ANOS1: variants seen among roughly 807,000 people sequenced by gnomAD.
ANOS1 encodes anosmin 1.
A neutral mutation model predicts 59.0 loss-of-function variants in ANOS1; 6 were observed. The ratio of observed to expected loss-of-function variants is 0.10; its 90% CI spans 0.06 to 0.20. The LOEUF (loss-of-function observed/expected upper bound fraction) is 0.20. Ranked by LOEUF, ANOS1 falls within the 10% of genes least tolerant of loss-of-function variation. ANOS1 has a pLI of 1.00. For synonymous variants in ANOS1, 217 were observed against 223.4 expected, an observed-to-expected ratio of 0.97 and a Z score of 0.25; for missense variants, 433 against 542.3, an observed-to-expected ratio of 0.80 and a Z score of 2.00.
intron 8 of ANOS1, among the ~76,000 whole-genome samples, chrX:8,565,198 C>T (rs1290001368): frequency 8.9e-6 from 1 of 111,793 alleles, no homozygotes; most frequent in African/African-American, 3.3e-5. Flanking sequence ...AATCCCATAC[C>T]AGTTTCTAAT....
chrX:8,587,499 G>C (rs373600224), intron 5 of ANOS1, among the ~76,000 whole-genome samples: 1 of 111,922 alleles, frequency 8.9e-6, no homozygotes, highest in Non-Finnish European at 1.9e-5. Flanking sequence ...TTTGAGTTTA[G>C]CTGAGGAAAA....
chrX:8,619,862 T>C (rs182537906), intron 3 of ANOS1, among the ~76,000 whole-genome samples: 2 of 112,471 alleles, frequency 1.8e-5, no homozygotes, highest in African/African-American at 6.5e-5. Context: ...GTGCTGATAA[T>C]ACAGATTAAG....
chrX:8,652,482 T>C (rs1319921649), intron 2 of ANOS1, among the ~76,000 whole-genome samples: 1 of 111,973 alleles, frequency 8.9e-6, no homozygotes, highest in African/African-American at 3.3e-5. Flanking sequence ...GGATTTCAGC[T>C]TCCTAATTCC....
chrX:8,680,350 T>C (rs1368439771), intron 2 of ANOS1, among the ~76,000 whole-genome samples: 8 of 109,835 alleles, frequency 7.3e-5, no homozygotes, highest in South Asian at 3.9e-4. Flanking sequence ...TTTACCACAA[T>C]AAAAAATAAA....
At chrX:8,630,504 A>G (rs1931471790) in intron 2 of ANOS1, among the ~76,000 whole-genome samples, 1 of 112,394 alleles carries the variant, frequency 8.9e-6, no homozygotes, top group Admixed American at 9.5e-5. Context: ...ATTTTCATAG[A>G]GGATCATTGA....
chrX:8,695,711 A>C (rs1023811322), intron 2 of ANOS1, among the ~76,000 whole-genome samples: 1 of 110,289 alleles, frequency 9.1e-6, no homozygotes, highest in Non-Finnish European at 1.9e-5. Flanking sequence ...AAAAAAAAAA[A>C]AAAAAAAACC....
chrX:8,639,401 C>A lies in ANOS1; in HGVS notation c.256-15731G>T. 1.8e-5 allele frequency among the ~76,000 whole-genome samples: 2 copies of A among 111,854 alleles called. 1 individual carries two copies. The highest frequency in any genetic ancestry group is 3.8e-5 in the Non-Finnish European group (2 of 53,155). ...TTTTCCATGTTTTATTAGTTTCTTT[C>A]CAACTCATTCAGATTGTTATACATA... On this transcript the variant is annotated intron_variant, in intron 2 of 13. Transcript: ENST00000262648.
chrX:8,555,275 C>T (rs564701502), intron 8 of ANOS1, among the ~76,000 whole-genome samples: 6 of 111,058 alleles, frequency 5.4e-5, no homozygotes, highest in African/African-American at 6.5e-5. Flanking sequence ...CAGGAGAAAG[C>T]GGGGAAGATC....
chrX:8,731,046 C>T (rs951872669), intron 1 of ANOS1, among the ~76,000 whole-genome samples: 6 of 112,264 alleles, frequency 5.3e-5, no homozygotes, highest in Non-Finnish European at 1.1e-4. Flanking sequence ...TACTCCCCAC[C>T]CTCAGGCTGA....
intron 3 of ANOS1, among the ~76,000 whole-genome samples, chrX:8,619,397 A>G (rs1931244122): frequency 9.0e-6 from 1 of 111,495 alleles, no homozygotes; most frequent in South Asian, 3.7e-4. Flanking sequence ...CAAGGTCAGG[A>G]GATGGAGACC....
At chrX:8,614,565 CCTT>C (rs1328626880) in intron 3 of ANOS1, among the ~76,000 whole-genome samples, 4 of 111,328 alleles carry the variant, frequency 3.6e-5, no homozygotes, top group Admixed American at 9.6e-5. Flanking sequence ...GACCTTGTCT[CCTT>C]GTCTTCCTCT....
intron 3 of ANOS1, among the ~76,000 whole-genome samples, chrX:8,618,972 C>G (rs182028469): frequency 0.074 from 7,584 of 102,563 alleles, 238 homozygotes; most frequent in Admixed American, 0.13. Flanking sequence ...ACTCAAGAGG[C>G]TGAGGCAGGA....
intron 1 of ANOS1, among the ~76,000 whole-genome samples, chrX:8,725,165 G>A (rs1472970702): frequency 9.0e-6 from 1 of 111,300 alleles, no homozygotes; most frequent in Non-Finnish European, 1.9e-5. Flanking sequence ...ATATGGATAT[G>A]CTTCATTAAT....
intron 13 of ANOS1, among the ~76,000 whole-genome samples, chrX:8,533,798 G>T (rs758573210): frequency 9.0e-6 from 1 of 111,009 alleles, no homozygotes; most frequent in African/African-American, 3.3e-5. Flanking sequence ...AAGAACATAA[G>T]TTCCTTAGCA....
chrX:8,715,964 T>C (rs147758517), intron 1 of ANOS1, among the ~76,000 whole-genome samples: 475 of 110,680 alleles, frequency 4.3e-3, no homozygotes, highest in African/African-American at 0.015. Context: ...CCAGCGCGTC[T>C]GTAGAGCCAA....
intron 9 of ANOS1, among the ~76,000 whole-genome samples, chrX:8,540,658 A>G (rs950097968): frequency 1.8e-5 from 2 of 108,212 alleles, no homozygotes; most frequent in African/African-American, 6.7e-5. Flanking sequence ...CAGGTGATTT[A>G]ACATCTTGTC....
Position 8,585,387 on chromosome X carries a change from C to T in ANOS1, c.736G>A (p.Glu246Lys), listed in dbSNP as rs1205589697. 7 of 1,211,199 alleles carry T rather than the reference C, an allele frequency of 5.8e-6. No homozygotes were observed. Among genetic ancestry groups the T allele is most frequent in the South Asian group, 1.8e-5 (1 of 56,975 alleles). Residue 246 changes from glutamate to lysine, a missense_variant, in exon 6 of 14, where the codon GAG (glutamate) becomes AAG (lysine). By Grantham distance (56) the Glu-to-Lys change is moderately conservative (BLOSUM62 1). Transcript: ENST00000262648. ...HWQTVAQTTD[E>K]RVQLTDIRPS... Reference sequence around the variant, plus strand: ...CTTATGTCAGTCAGTTGAACTCGCTCGTCTGTGGTCTGAGGGGACATGTCA... The same window carrying T: ...CTTATGTCAGTCAGTTGAACTCGCTTGTCTGTGGTCTGAGGGGACATGTCA...
intron 3 of ANOS1, among the ~76,000 whole-genome samples, chrX:8,597,660 T>TTTC (rs1820306420): frequency 1.5e-3 from 12 of 7,927 alleles, no homozygotes; most frequent in Non-Finnish European, 8.3e-3. Context: ...CTTTCTCCCT[T>TTTC]TTTTTTTTTT....
intron 2 of ANOS1, among the ~76,000 whole-genome samples, chrX:8,652,389 A>G (rs7882513): frequency 0.038 from 4,210 of 111,815 alleles, 222 homozygotes; most frequent in African/African-American, 0.13. Context: ...GAATGAGGAC[A>G]TCAAGTGGAA....
Sources: gnomAD v4.1 joint callset for allele counts (sites outside exome capture counted in the v4.1 genomes callset) on GRCh38, gnomAD v4.1.1 for gene constraint, MANE v1.5 for transcripts, NCBI Gene and HGNC (gene_info 2026-07-23, HGNC 2026-07-21) for gene names.